Variants in CLEC10A observed in about 807,000 individuals in gnomAD.
CLEC10A encodes C-type lectin domain containing 10A.
In CLEC10A, 38 loss-of-function variants were observed where a neutral mutation model predicts 42.0. That is an observed-to-expected ratio of 0.90 (90% CI 0.70 to 1.18). The LOEUF is 1.18. Among genes scored for constraint, CLEC10A ranks in the 50% most tolerant of loss-of-function variants. The pLI, the probability that CLEC10A is intolerant of heterozygous loss-of-function variation, is 0.00. For missense variants in CLEC10A, 298 were observed against 345.9 expected, an observed-to-expected ratio of 0.86 and a Z score of 1.10; for synonymous variants, 126 against 139.9, an observed-to-expected ratio of 0.90 and a Z score of 0.70.
At position 7,076,076 on chromosome 17, in the gene CLEC10A, GAC is replaced by G. The variant is rs1367018039; in HGVS notation, c.353-7_353-6del. ...GCAGGAGCATTTCAGAATGAACTGG[GAC>G]ACACACAGATGGGCAGTGGGGACAG... On this transcript the variant is annotated splice_polypyrimidine_tract_variant and splice_region_variant and intron_variant, in intron 5 of 8. Transcript: ENST00000416562. 5 of 1,614,044 alleles carry G rather than the reference GAC, an allele frequency of 3.1e-6. No homozygotes were observed. The African/African-American group carries it at 5.3e-5, about 17-fold the overall frequency.
In CLEC10A at chr17:7,075,855, T is replaced by C. The variant is rs749873524; in HGVS notation, c.470A>G (p.Asn157Ser). 2.5e-6 allele frequency: 4 copies of C among 1,613,800 alleles called. No individual in the cohort carries two copies. The African/African-American group carries it at 4.0e-5, about 16-fold the overall frequency. The change falls in exon 7 of 9, where the codon AAC becomes AGC. Residue 157 changes from asparagine (N) to serine (S), a missense_variant. Coordinates refer to ENST00000416562, the MANE Select transcript of CLEC10A (RefSeq NM_001330070.2). ...GCAGCTGTCTTGGTGCTCCACCCAGTTGACAGGGCAGCAGGTCCCTTCAGT... is the reference window on the plus strand; with the variant it reads ...GCAGCTGTCTTGGTGCTCCACCCAGCTGACAGGGCAGCAGGTCCCTTCAGT... ...ASTEGTCCPV[N>S]WVEHQDSCYW...
chr17:7,078,449 A>C (rs1381861633), intron 2 of CLEC10A: 3 of 518,004 alleles, frequency 5.8e-6, no homozygotes, highest in Non-Finnish European at 1.0e-5. Context: ...CTGCTGGACA[A>C]TCAGGTTCAC....
At position 7,078,826 on chromosome 17, in the gene CLEC10A, C is replaced by T. The variant is rs374648451; in HGVS notation, c.-14G>A. On this transcript the variant is annotated 5_prime_UTR_variant, in exon 2 of 9. The change creates a new upstream start codon in the 5' untranslated region. Coordinates refer to ENST00000416562, the MANE Select transcript of CLEC10A (RefSeq NM_001330070.2). ...CGTCCTTGTCATGCTTGGGCCAACA[C>T]GGCTCTGAGGTTGTCACAGCTGAAA... 3.1e-6 allele frequency: 5 copies of T among 1,613,872 alleles called. No homozygotes were observed. Among genetic ancestry groups the T allele is most frequent in the African/African-American group, 1.3e-5 (1 of 74,902 alleles).
intron 1 of CLEC10A, 126 bp from the exon 2 acceptor site, chr17:7,079,011 GT>G: frequency 1.6e-6 from 1 of 608,300 alleles, no homozygotes; most frequent in Non-Finnish European, 2.9e-6. Flanking sequence ...TTGCAGTCGA[GT>G]TAGAATTGGG....
chr17:7,079,217 C>T (rs949225595), intron 1 of CLEC10A, among the ~76,000 whole-genome samples: 3 of 151,914 alleles, frequency 2.0e-5, no homozygotes, highest in Non-Finnish European at 4.4e-5. Flanking sequence ...AGAATAGAGT[C>T]GAGGTTCAAT....
At chr17:7,077,673 C>T (rs1911898322) in intron 3 of CLEC10A, among the ~76,000 whole-genome samples, 2 of 132,426 alleles carry the variant, frequency 1.5e-5, no homozygotes, top group East Asian at 2.3e-4. Flanking sequence ...TGTGCCCCCA[C>T]CACCGTCCCC....
rs1911616470 is a variant in CLEC10A, at chr17:7,074,758, T to C, written c.*296A>G. 4.2e-6 allele frequency: 1 copy of C among 236,002 alleles called. No individual in the cohort carries two copies. Among genetic ancestry groups the C allele is most frequent in the Non-Finnish European group, 8.1e-6 (1 of 123,808 alleles). The allele number at this position is 236,002 out of a possible 1,614,324, so 14.6% of individuals were successfully genotyped here. A position where few individuals can be genotyped will look rare whatever the true frequency, so the allele number is the denominator to read the frequency against. The stretch of plus-strand genomic sequence containing the variant: ...ATGTTATCTATTGCGATCGGAGTGG[T>C]AGTCACCTAGGCATGCATATTTGTC... On this transcript the variant is annotated 3_prime_UTR_variant, in exon 9 of 9. Transcript: ENST00000416562.
Position 7,075,031 on chromosome 17 carries a change from CG to C in CLEC10A, c.*22del. ...CTCCTCCCACCGCCATTTCTGTGGC[CG>C]GGTGGTCCCACCAAAGGCAGCTCAG... On this transcript the variant is annotated 3_prime_UTR_variant, in exon 9 of 9. Transcript: ENST00000416562. The C allele has an allele frequency of 1.3e-6, 2 of 1,523,730 alleles. No individual in the cohort carries two copies. The highest frequency in any genetic ancestry group is 8.8e-7 in the Non-Finnish European group (1 of 1,140,272). 94.4% of individuals were successfully genotyped at this position (1,523,730 alleles called of 1,614,324 possible).
At chr17:7,079,875 A>G (rs314230) in intron 1 of CLEC10A, among the ~76,000 whole-genome samples, 177 bp downstream of exon 1, 8,525 of 151,784 alleles carry the variant, frequency 0.056, 774 homozygotes, top group African/African-American at 0.19. Context: ...GCCGTAACCC[A>G]ATCTAGAATC....
At chr17:7,078,503 C>T (rs970752263) in intron 2 of CLEC10A, 41 of 558,486 alleles carry the variant, frequency 7.3e-5, no homozygotes, top group East Asian at 5.3e-4. Flanking sequence ...TTTCCCTCCA[C>T]CAATGCGCAG....
At chr17:7,075,633 T>A in intron 7 of CLEC10A, 98 bp downstream of exon 7, 1 of 1,567,520 alleles carries the variant, frequency 6.4e-7, no homozygotes, top group Non-Finnish European at 8.8e-7. Context: ...ATGACAGTCA[T>A]TCTGGAAGCT....
chr17:7,077,933 C>T (rs1206637748), intron 3 of CLEC10A, 64 bp downstream of exon 3: 6 of 1,262,344 alleles, frequency 4.8e-6, no homozygotes, highest in Non-Finnish European at 6.9e-6. Context: ...CCTACTGTAG[C>T]ACCCCATTAT....
rs1911618825 is a variant in CLEC10A at position 7,074,809 on chromosome 17, G to C, written c.*245C>G. 2.8e-6 allele frequency: 1 copy of C among 359,110 alleles called. No homozygotes were observed. Among genetic ancestry groups the C allele is most frequent in the African/African-American group, 2.1e-5 (1 of 47,528 alleles). 22.2% of individuals were successfully genotyped at this position (359,110 alleles called of 1,614,324 possible). On this transcript the variant is annotated 3_prime_UTR_variant, in exon 9 of 9. Coordinates refer to ENST00000416562, the MANE Select transcript of CLEC10A (RefSeq NM_001330070.2). Reference sequence around the variant, plus strand: ...AAAGTCATCTCTACTCTTTAAATGAGTGCATTTTTATTATGTAAAAATTAT... The same window carrying C: ...AAAGTCATCTCTACTCTTTAAATGACTGCATTTTTATTATGTAAAAATTAT...
At chr17:7,077,937 C>T (rs1911941785) in intron 3 of CLEC10A, 60 bp downstream of exon 3, 3 of 1,304,816 alleles carry the variant, frequency 2.3e-6, no homozygotes, top group Non-Finnish European at 2.2e-6. Flanking sequence ...CTGTAGCACC[C>T]CATTATTTAT....
In CLEC10A at chr17:7,078,805, C is replaced by T. The variant is rs1278253860; in HGVS notation, c.8G>A (p.Arg3Lys). Residue 3 changes from arginine to lysine, a missense_variant, in exon 2 of 9, where the codon AGG becomes AAG. Physicochemically the swap from Arg to Lys is conservative, Grantham distance 26. Around this residue, in one of 3 missense-constraint regions of CLEC10A, gnomAD observed 27 missense variants for 37.0 expected, o/e 0.73. Transcript: ENST00000416562. MT[R>K]TYENFQYLEN... ...CAAGTACTGGAAGTTTTCATACGTC[C>T]TTGTCATGCTTGGGCCAACACGGCT... The T allele has an allele frequency of 6.2e-7, 1 of 1,614,142 alleles. No homozygotes were observed.
chr17:7,078,611 C>A, intron 2 of CLEC10A, 135 bp downstream of exon 2: 1 of 807,040 alleles, frequency 1.2e-6, no homozygotes. Context: ...CACACTAGGC[C>A]CGTCAGAGGC....
intron 2 of CLEC10A, chr17:7,078,354 C>T (rs1911980159): frequency 3.8e-6 from 2 of 520,368 alleles, no homozygotes; most frequent in East Asian, 6.4e-5. Context: ...TATGAGGGGT[C>T]CCATGGTCAG....
rs1403779965 is a variant in CLEC10A at position 7,076,730 on chromosome 17, C to T, written c.352+3G>A. ...CCACACCCATACTCGGAGGGTCTCTCACCTGCCTGCCGTTCCTGCTTGAAA... is the reference window on the plus strand; with the variant it reads ...CCACACCCATACTCGGAGGGTCTCTTACCTGCCTGCCGTTCCTGCTTGAAA... On this transcript the variant is annotated splice_donor_region_variant and intron_variant, in intron 5 of 8. Coordinates refer to ENST00000416562, the MANE Select transcript of CLEC10A (RefSeq NM_001330070.2). 1 of 1,613,766 alleles carries T rather than the reference C, an allele frequency of 6.2e-7. No individual in the cohort carries two copies. The highest frequency in any genetic ancestry group is 2.2e-5 in the East Asian group (1 of 44,826).
chr17:7,076,109 T>A (rs1182743751), intron 5 of CLEC10A, 38 bp from the exon 6 acceptor site: 16 of 1,614,134 alleles, frequency 9.9e-6, no homozygotes, highest in Non-Finnish European at 1.4e-5. Context: ...GACAGTGGCC[T>A]AGGTGTGCCT....
Sources: gnomAD v4.1 joint callset for allele counts (sites outside exome capture counted in the v4.1 genomes callset) on GRCh38, gnomAD v4.1.1 for gene constraint, gnomAD v4.1.1 regional missense constraint, MANE v1.5 for transcripts, NCBI Gene and HGNC (gene_info 2026-07-23, HGNC 2026-07-21) for gene names.